The following SIM2 variants were observed in gnomAD, a reference collection of about 807,000 sequenced individuals.
SIM2 encodes single-minded homolog 2.
A neutral mutation model predicts 64.8 loss-of-function variants in SIM2; 28 were observed. That is an observed-to-expected ratio of 0.43 (90% CI 0.32 to 0.59). The LOEUF (loss-of-function observed/expected upper bound fraction) is 0.59, where lower values mean the gene tolerates loss of function less well. SIM2 is among the 20% of genes least tolerant of loss of function. SIM2 has a pLI of 0.07. For missense variants in SIM2, 847 were observed against 871.4 expected, an observed-to-expected ratio of 0.97 and a Z score of 0.35; for synonymous variants, 408 against 391.1, an observed-to-expected ratio of 1.04 and a Z score of -0.51.
At chr21:36,703,135 G>A (rs1419784254) in intron 1 of SIM2, among the ~76,000 whole-genome samples, 1 of 152,114 alleles carries the variant, frequency 6.6e-6, no homozygotes, top group East Asian at 1.9e-4. Flanking sequence ...CCAGGAGGCT[G>A]CCAGCCTCTG....
At chr21:36,730,451 AG>A (rs1415085199) in intron 6 of SIM2, among the ~76,000 whole-genome samples, 1 of 152,172 alleles carries the variant, frequency 6.6e-6, no homozygotes, top group Non-Finnish European at 1.5e-5. Flanking sequence ...AGAAAGTACA[AG>A]GGAGGCTACT....
In SIM2 at chr21:36,720,172, A is replaced by G. The variant is rs2088806358; in HGVS notation, c.457+243A>G. 3 of 487,978 alleles carry G rather than the reference A, an allele frequency of 6.1e-6. No homozygotes were observed. In the South Asian group the frequency reaches 9.2e-5, roughly 15 times the overall value. The allele number at this position is 487,978 out of a possible 1,614,324, so 30.2% of individuals were successfully genotyped here. ...CCAGAACCCGTGTTGAGTGCTAGGT[A>G]GAGGACAAAAGTGGTGCAAGCCTGC... On this transcript the variant is annotated intron_variant, in intron 4 of 10. Coordinates refer to ENST00000290399, the MANE Select transcript of SIM2 (RefSeq NM_005069.6).
At chr21:36,705,730 C>T (rs967614884) in intron 1 of SIM2, among the ~76,000 whole-genome samples, 1 of 152,226 alleles carries the variant, frequency 6.6e-6, no homozygotes, top group African/African-American at 2.4e-5. Context: ...GGATTTACCA[C>T]ACTCCCAGGT....
chr21:36,744,724 G>C lies in SIM2; in HGVS notation c.1168-4G>C. On this transcript the variant is annotated splice_region_variant and splice_polypyrimidine_tract_variant and intron_variant, in intron 9 of 10. Transcript: ENST00000290399. ...GCCCTTCATCCATCTTCTTTGCCAT[G>C]CAGCAATACAGCTCGTTCCAAATGG... 1 of 1,589,204 alleles carries C rather than the reference G, an allele frequency of 6.3e-7. No individual in the cohort carries two copies. The highest frequency in any genetic ancestry group is 8.6e-7 in the Non-Finnish European group (1 of 1,167,012).
Position 36,709,307 on chromosome 21 carries a change from G to T in SIM2, c.258+57G>T, listed in dbSNP as rs767870603. The T allele has an allele frequency of 2.9e-6, 4 of 1,370,420 alleles. No individual in the cohort carries two copies. The Admixed American group carries it at 8.0e-5, about 27-fold the overall frequency. The allele number at this position is 1,370,420 out of a possible 1,614,324, so 84.9% of individuals were successfully genotyped here. A position where few individuals can be genotyped will look rare whatever the true frequency, so the allele number is the denominator to read the frequency against. On this transcript the variant is annotated intron_variant, in intron 2 of 10. Coordinates refer to ENST00000290399, the MANE Select transcript of SIM2 (RefSeq NM_005069.6). Reference sequence around the variant, plus strand: ...CCGCCGCAGGCTCCCTTCCCACCCCGCCACCCCAGCCTCCAGGCGTCCCTT... The same window carrying T: ...CCGCCGCAGGCTCCCTTCCCACCCCTCCACCCCAGCCTCCAGGCGTCCCTT...
At chr21:36,738,482 G>T (rs912447119) in intron 7 of SIM2, among the ~76,000 whole-genome samples, 1 of 152,198 alleles carries the variant, frequency 6.6e-6, no homozygotes, top group African/African-American at 2.4e-5. Context: ...TCCAGCCTGG[G>T]TGGCAAAGCC....
chr21:36,735,501 G>C (rs2089032263), intron 7 of SIM2, among the ~76,000 whole-genome samples: 1 of 152,194 alleles, frequency 6.6e-6, no homozygotes, highest in Non-Finnish European at 1.5e-5. Context: ...ACTGCTGTGT[G>C]AGGGCTGAGG....
rs1001954198 is a variant in SIM2 at position 36,747,048 on chromosome 21, C to CA, written c.1577-609dup. Among the ~76,000 whole-genome samples, 172 of 151,650 alleles carry CA rather than the reference C, an allele frequency of 1.1e-3. No individual in the cohort carries two copies. The highest frequency in any genetic ancestry group is 3.4e-3 in the African/African-American group (139 of 41,344). On this transcript the variant is annotated intron_variant, in intron 10 of 10. Coordinates refer to ENST00000290399, the MANE Select transcript of SIM2 (RefSeq NM_005069.6). The surrounding 1 kb of genome is among the most constrained non-coding windows in gnomAD (Gnocchi z 4.5). ...TTAAAAACAAACAAACAAACAAAGACAAAAAAAACCCACAAGCCAGGGAGC... is the reference window on the plus strand; with the variant it reads ...TTAAAAACAAACAAACAAACAAAGACAAAAAAAAACCCACAAGCCAGGGAGC...
At chr21:36,716,015 C>T (rs2088741919) in intron 3 of SIM2, among the ~76,000 whole-genome samples, 1 of 152,166 alleles carries the variant, frequency 6.6e-6, no homozygotes, top group African/African-American at 2.4e-5. Flanking sequence ...GCCCAGGGTC[C>T]AAGTGTTAGG....
intron 7 of SIM2, among the ~76,000 whole-genome samples, chr21:36,736,754 TCCC>T (rs1294822820): frequency 7.5e-6 from 1 of 133,002 alleles, no homozygotes; most frequent in African/African-American, 3.8e-5. Flanking sequence ...TTTCCTTTCC[TCCC>T]TCCCTCCCTT....
intron 7 of SIM2, among the ~76,000 whole-genome samples, chr21:36,741,335 C>G (rs1030277422): frequency 6.6e-6 from 1 of 152,220 alleles, no homozygotes; most frequent in Non-Finnish European, 1.5e-5. Flanking sequence ...CACCCCCCCT[C>G]CCCATTAAGG....
rs372128395 is a variant in SIM2 at position 36,728,461 on chromosome 21, G to C, written c.743+2143G>C. ...GCCTGGATGGGGCTTTGCAGCGCCA[G>C]AGGGGGCTCCCGCGTCTCAGGGTGT... On this transcript the variant is annotated intron_variant, in intron 6 of 10. Coordinates refer to ENST00000290399, the MANE Select transcript of SIM2 (RefSeq NM_005069.6). Among the ~76,000 whole-genome samples the C allele has an allele frequency of 5.4e-4, 83 of 152,356 alleles. No homozygotes were observed. The Middle Eastern group carries it at 0.01, about 19-fold the overall frequency.
In SIM2 at chr21:36,749,611, G is replaced by C. The variant is rs536178658; in HGVS notation, c.*1519G>C. 2 of 152,222 alleles carry C rather than the reference G, an allele frequency of 1.3e-5. No individual in the cohort carries two copies. Among genetic ancestry groups the C allele is most frequent in the South Asian group, 4.2e-4 (2 of 4,816 alleles). The allele number at this position is 152,222 out of a possible 1,614,324, so 9.4% of individuals were successfully genotyped here. On this transcript the variant is annotated 3_prime_UTR_variant, in exon 11 of 11. Coordinates refer to ENST00000290399, the MANE Select transcript of SIM2 (RefSeq NM_005069.6). ...CTGGATGGTAGGAAGGGATGTGCCC[G>C]CCTCTCCACGCACTCAGCTATACCT... is the stretch of plus-strand genomic sequence containing the variant.
chr21:36,740,568 G>A (rs918792978), intron 7 of SIM2, among the ~76,000 whole-genome samples: 1 of 152,200 alleles, frequency 6.6e-6, no homozygotes, highest in Non-Finnish European at 1.5e-5. Context: ...ATTTTGATGT[G>A]GATGAGAAAG....
intron 7 of SIM2, among the ~76,000 whole-genome samples, chr21:36,735,236 A>G (rs2089026992): frequency 6.6e-6 from 1 of 152,114 alleles, no homozygotes; most frequent in Admixed American, 6.5e-5. Context: ...CCTGCCAAAG[A>G]AAGGCCTCAG....
rs918144853 is a variant in SIM2, at chr21:36,747,925, G to T, written c.1837G>T (p.Gly613Trp). The T allele has an allele frequency of 3.8e-6, 4 of 1,039,272 alleles. No individual in the cohort carries two copies. Among genetic ancestry groups the T allele is most frequent in the East Asian group, 2.1e-4 (2 of 9,736 alleles). 64.4% of individuals were successfully genotyped at this position (1,039,272 alleles called of 1,614,324 possible). The part of the protein sequence containing the change: ...HRVLARRGPL[G>W]GAAPAASGLA... Reference sequence around the variant, plus strand: ...CGTGCTGGCCCGGCGCGGACCGCTGGGGGGCGCCGCACCCGCCGCCTCCGG... The same window carrying T: ...CGTGCTGGCCCGGCGCGGACCGCTGTGGGGCGCCGCACCCGCCGCCTCCGG... The change falls in exon 11 of 11, where the codon GGG becomes TGG. Residue 613 changes from glycine to tryptophan, a missense_variant. Coordinates refer to ENST00000290399, the MANE Select transcript of SIM2 (RefSeq NM_005069.6). This position sits in a 1 kb window ranked among gnomAD's most constrained non-coding sequence, Gnocchi z 4.5.
At chr21:36,731,910 T>A (rs2088973918) in intron 7 of SIM2, among the ~76,000 whole-genome samples, 2 of 151,876 alleles carry the variant, frequency 1.3e-5, no homozygotes, top group African/African-American at 4.8e-5. Context: ...TGAGACAGAG[T>A]CTTGTTCTGT....
chr21:36,744,633 G>A (rs1451484682), intron 9 of SIM2, 95 bp from the exon 10 acceptor site: 1 of 1,427,256 alleles, frequency 7.0e-7, no homozygotes, highest in Non-Finnish European at 9.3e-7. Flanking sequence ...GCCCTTGGAT[G>A]GGGTTGGGCC....
At chr21:36,731,246 A>C in intron 7 of SIM2, 95 bp downstream of exon 7, 2 of 805,972 alleles carry the variant, frequency 2.5e-6, no homozygotes, top group Non-Finnish European at 4.0e-6. Flanking sequence ...TGTTGGTGCA[A>C]TAATCATCCA....
Sources: allele counts gnomAD v4.1 joint callset (sites outside exome capture counted in the v4.1 genomes callset), GRCh38; gene constraint gnomAD v4.1.1; non-coding constraint Gnocchi (gnomAD v3.1); transcripts MANE v1.5; gene names NCBI Gene and HGNC (gene_info 2026-07-23, HGNC 2026-07-21).